RFX4: variants seen among roughly 807,000 people sequenced by gnomAD.
The protein encoded by RFX4 is regulatory factor X4, also known as transcription factor RFX4.
Under a neutral mutation model 95.0 loss-of-function variants are expected in RFX4, and 10 were observed. That is an observed-to-expected ratio of 0.11 (90% CI 0.06 to 0.18). RFX4 has a LOEUF of 0.18. RFX4 is among the 10% of genes least tolerant of loss of function. The pLI is 1.00. For synonymous variants in RFX4, 321 were observed against 340.7 expected, an observed-to-expected ratio of 0.94 and a Z score of 0.64; for missense variants, 640 against 922.0, an observed-to-expected ratio of 0.69 and a Z score of 3.96.
intron 2 of RFX4, among the ~76,000 whole-genome samples, chr12:106,639,086 T>G (rs922364627): frequency 2.0e-5 from 3 of 152,238 alleles, no homozygotes; most frequent in African/African-American, 7.2e-5. Flanking sequence ...GAAATGCTCT[T>G]TAAACTCTAA....
chr12:106,655,360 G>C (rs1448333928), intron 4 of RFX4, among the ~76,000 whole-genome samples: 1 of 152,186 alleles, frequency 6.6e-6, no homozygotes, highest in East Asian at 1.9e-4. Context: ...TTTTTTAAAA[G>C]TCAGTGGAGA....
intron 15 of RFX4, among the ~76,000 whole-genome samples, chr12:106,745,785 C>T (rs112613210): frequency 6.6e-6 from 1 of 152,146 alleles, no homozygotes; most frequent in African/African-American, 2.4e-5. Context: ...TTTCCATGTA[C>T]CTAAAGGGGG....
chr12:106,598,019 A>G (rs2039646681), intron 1 of RFX4, among the ~76,000 whole-genome samples: 1 of 152,180 alleles, frequency 6.6e-6, no homozygotes, highest in African/African-American at 2.4e-5. Flanking sequence ...GCATTTGTTC[A>G]CCTAAATCTC....
chr12:106,744,741 A>C (rs577413357), intron 15 of RFX4, among the ~76,000 whole-genome samples: 1 of 152,332 alleles, frequency 6.6e-6, no homozygotes, highest in Non-Finnish European at 1.5e-5. Flanking sequence ...TGTGTGGCAC[A>C]AAGTGTGTGG....
chr12:106,604,113 CTCTT>C (rs1279479598), intron 1 of RFX4, among the ~76,000 whole-genome samples: 1 of 141,348 alleles, frequency 7.1e-6, no homozygotes, highest in Non-Finnish European at 1.5e-5. Context: ...CAGCTTCTCT[CTCTT>C]TTTTTTTTTT....
At chr12:106,682,224 C>T in intron 5 of RFX4, 170 bp downstream of exon 5, 1 of 628,468 alleles carries the variant, frequency 1.6e-6, no homozygotes, top group Non-Finnish European at 2.7e-6. Context: ...CTCAGGACTC[C>T]TGAAAGAGAG....
At chr12:106,684,951 C>T (rs752259006) in intron 5 of RFX4, 93 of 1,610,724 alleles carry the variant, frequency 5.8e-5, no homozygotes, top group African/African-American at 9.3e-5. Context: ...AAGGTTTTGA[C>T]GTGCTCATCT....
At chr12:106,652,012 G>A (rs567292973) in intron 3 of RFX4, among the ~76,000 whole-genome samples, 5 of 152,274 alleles carry the variant, frequency 3.3e-5, no homozygotes, top group East Asian at 1.9e-4. Context: ...AAACAATGCC[G>A]CGAATGGCAG....
At chr12:106,701,269 T>C (rs1171523299) in intron 8 of RFX4, among the ~76,000 whole-genome samples, 2 of 152,230 alleles carry the variant, frequency 1.3e-5, no homozygotes, top group African/African-American at 4.8e-5. Flanking sequence ...CCTTTTTTCC[T>C]TGGATGCCTC....
At chr12:106,629,254 G>C (rs1339795153) in intron 2 of RFX4, among the ~76,000 whole-genome samples, 3 of 152,058 alleles carry the variant, frequency 2.0e-5, no homozygotes, top group Non-Finnish European at 4.4e-5. Flanking sequence ...TTCTAATTTA[G>C]TTACCCAGAT....
At chr12:106,749,083 C>CAA (rs35924676) in intron 16 of RFX4, among the ~76,000 whole-genome samples, 8 of 104,782 alleles carry the variant, frequency 7.6e-5, no homozygotes, top group African/African-American at 1.1e-4. Flanking sequence ...GACTTCATCT[C>CAA]AAAAAAAAAA....
In RFX4 at chr12:106,602,109, C is replaced by A. The variant is rs2039724042; in HGVS notation, c.44-6688C>A. Among the ~76,000 whole-genome samples, 3 of 152,220 alleles carry A rather than the reference C, an allele frequency of 2.0e-5. 1 individual carries two copies. In the South Asian group the frequency reaches 6.2e-4, roughly 32 times the overall value. ...AGTGCACCCCAGCCTCGGAGTCAGGCAGACCTGACCTAGCTCAGCCATCAA... is the reference window on the plus strand; with the variant it reads ...AGTGCACCCCAGCCTCGGAGTCAGGAAGACCTGACCTAGCTCAGCCATCAA... On this transcript the variant is annotated intron_variant, in intron 1 of 17. Coordinates refer to ENST00000392842, the MANE Select transcript of RFX4 (RefSeq NM_213594.3).
chr12:106,604,484 A>G (rs1372677260), intron 1 of RFX4, among the ~76,000 whole-genome samples: 5 of 151,704 alleles, frequency 3.3e-5, no homozygotes, highest in Non-Finnish European at 7.4e-5. Flanking sequence ...TGTGTGTTGA[A>G]TTTTGCTTTA....
At chr12:106,611,579 C>T (rs899802159) in intron 2 of RFX4, among the ~76,000 whole-genome samples, 2 of 151,492 alleles carry the variant, frequency 1.3e-5, no homozygotes, top group East Asian at 1.9e-4. Context: ...GGCGCTGTCT[C>T]GGCTCACTGC....
intron 3 of RFX4, among the ~76,000 whole-genome samples, chr12:106,648,773 C>T (rs2040804093): frequency 2.0e-5 from 3 of 151,858 alleles, no homozygotes; most frequent in Admixed American, 1.3e-4. Context: ...TGCTATAAAA[C>T]ATCTAATCAG....
chr12:106,722,520 A>G (rs1442314779), intron 13 of RFX4, among the ~76,000 whole-genome samples: 1 of 152,180 alleles, frequency 6.6e-6, no homozygotes, highest in Non-Finnish European at 1.5e-5. Flanking sequence ...ATTTATTACT[A>G]AGAAATATGG....
chr12:106,622,167 G>T (rs2040199290), intron 2 of RFX4, among the ~76,000 whole-genome samples: 1 of 151,780 alleles, frequency 6.6e-6, no homozygotes, highest in Non-Finnish European at 1.5e-5. Context: ...CCAAATAAAA[G>T]AATAAAGAAG....
At chr12:106,732,897 A>C (rs2042639680) in intron 14 of RFX4, 27 bp from the exon 15 acceptor site, 1 of 1,602,128 alleles carries the variant, frequency 6.2e-7, no homozygotes, top group Admixed American at 1.7e-5. Flanking sequence ...ATTTGGTTTT[A>C]AAAACTTACC....
intron 1 of RFX4, among the ~76,000 whole-genome samples, chr12:106,598,627 T>C (rs1219241360): frequency 6.6e-6 from 1 of 152,182 alleles, no homozygotes; most frequent in Non-Finnish European, 1.5e-5. Context: ...GTGGCTTACC[T>C]CAAAAGTTCA....
Sources: gnomAD v4.1 joint callset for allele counts (sites outside exome capture counted in the v4.1 genomes callset) on GRCh38, gnomAD v4.1.1 for gene constraint, MANE v1.5 for transcripts, NCBI Gene and HGNC (gene_info 2026-07-23, HGNC 2026-07-21) for gene names.